MYO1D: variants seen among roughly 807,000 people sequenced by gnomAD.
MYO1D encodes myosin ID.
A neutral mutation model predicts 122.0 loss-of-function variants in MYO1D; 83 were observed. The ratio of observed to expected loss-of-function variants is 0.68; its 90% CI spans 0.57 to 0.82. The LOEUF (loss-of-function observed/expected upper bound fraction) is 0.82. Ranked by LOEUF, MYO1D falls within the 40% of genes least tolerant of loss-of-function variation. The pLI is 0.00. For missense variants in MYO1D, 1,157 were observed against 1,269.5 expected (o/e 0.91, Z 1.35); for synonymous variants, 464 against 446.9 (o/e 1.04, Z -0.48).
At chr17:32,697,005 C>A (rs2089181503) in intron 16 of MYO1D, among the ~76,000 whole-genome samples, 2 of 152,162 alleles carry the variant, frequency 1.3e-5, no homozygotes, top group South Asian at 4.1e-4. Context: ...GTGAATCTAA[C>A]AGAGTTAATT....
At chr17:32,789,793 C>A (rs2090332093) in intron 1 of MYO1D, among the ~76,000 whole-genome samples, 1 of 152,160 alleles carries the variant, frequency 6.6e-6, no homozygotes, top group Non-Finnish European at 1.5e-5. Flanking sequence ...GGATTGACGA[C>A]CACTGCCAGC....
At chr17:32,612,775 TA>T (rs1287734950) in intron 20 of MYO1D, among the ~76,000 whole-genome samples, 1 of 149,956 alleles carries the variant, frequency 6.7e-6, no homozygotes, top group African/African-American at 2.5e-5. Flanking sequence ...ATGAAATGCA[TA>T]TTTTTTTTTA....
At chr17:32,665,504 C>T (rs1299732473) in intron 16 of MYO1D, among the ~76,000 whole-genome samples, 1 of 152,230 alleles carries the variant, frequency 6.6e-6, no homozygotes, top group African/African-American at 2.4e-5. Context: ...TCGGCTGTCA[C>T]ATTTTCCATC....
At chr17:32,772,744 C>A (rs1450158611) in intron 5 of MYO1D, 45 bp downstream of exon 5, 1 of 1,467,904 alleles carries the variant, frequency 6.8e-7, no homozygotes, top group Non-Finnish European at 9.5e-7. Context: ...TCATTTCCTG[C>A]ACAACTGGGC....
intron 21 of MYO1D, among the ~76,000 whole-genome samples, chr17:32,599,085 C>T (rs2087530966): frequency 6.6e-6 from 1 of 152,150 alleles, no homozygotes; most frequent in African/African-American, 2.4e-5. Context: ...TTGACTCTTG[C>T]TTTCATGAAA....
chr17:32,631,601 T>C (rs528961586), intron 20 of MYO1D, among the ~76,000 whole-genome samples: 220 of 151,968 alleles, frequency 1.4e-3, no homozygotes, highest in African/African-American at 5.2e-3. Flanking sequence ...GAGTTATGAT[T>C]GCACAACTGC....
rs537137625 is a variant in MYO1D, at chr17:32,545,326, C to T, written c.2865-50411G>A. Among the ~76,000 whole-genome samples, 6 of 152,162 alleles carry T rather than the reference C, an allele frequency of 3.9e-5. No homozygotes were observed. The South Asian group carries it at 8.3e-4, about 21-fold the overall frequency. ...GGGTTATACAGGGTAAGTGAGAAAA[C>T]GTATGTAAAGCATGTGGCTCAGTGG... On this transcript the variant is annotated intron_variant, in intron 21 of 21. Transcript: ENST00000318217.
intron 21 of MYO1D, among the ~76,000 whole-genome samples, chr17:32,581,437 G>A (rs1453210491): frequency 6.6e-6 from 1 of 151,464 alleles, no homozygotes; most frequent in African/African-American, 2.4e-5. Context: ...CCTTTCTTCT[G>A]CTTTCTTTGG....
chr17:32,529,456 G>A (rs940107563), intron 21 of MYO1D, among the ~76,000 whole-genome samples: 35 of 152,242 alleles, frequency 2.3e-4, no homozygotes, highest in African/African-American at 8.0e-4. Flanking sequence ...GAAGAATACA[G>A]AGTAAGGGAT....
intron 16 of MYO1D, among the ~76,000 whole-genome samples, chr17:32,671,335 T>C (rs2088718126): frequency 6.6e-6 from 1 of 152,272 alleles, no homozygotes; most frequent in East Asian, 1.9e-4. Context: ...AGGGGCTGAG[T>C]GCAGTGGGCC....
At chr17:32,705,620 A>G (rs1483879309) in intron 16 of MYO1D, among the ~76,000 whole-genome samples, 2 of 152,192 alleles carry the variant, frequency 1.3e-5, no homozygotes, top group Non-Finnish European at 2.9e-5. Context: ...ATAGTGGAAG[A>G]CTATACATTT....
intron 8 of MYO1D, 132 bp downstream of exon 8, chr17:32,764,746 C>A: frequency 9.3e-6 from 9 of 967,628 alleles, no homozygotes; most frequent in Non-Finnish European, 1.4e-5. Context: ...GCTTGTATGG[C>A]CAGAAAGTAT....
intron 16 of MYO1D, among the ~76,000 whole-genome samples, chr17:32,674,688 G>A (rs1013871078): frequency 6.6e-6 from 1 of 152,172 alleles, no homozygotes; most frequent in Admixed American, 6.5e-5. Flanking sequence ...TTGGGAAACA[G>A]TCATTTTTCA....
At chr17:32,768,154 C>T (rs977946360) in intron 6 of MYO1D, among the ~76,000 whole-genome samples, 7 of 152,206 alleles carry the variant, frequency 4.6e-5, no homozygotes, top group Non-Finnish European at 8.8e-5. Context: ...CTTTGTTCCA[C>T]AATTGTCTTA....
chr17:32,574,013 C>T (rs776557745), intron 21 of MYO1D, among the ~76,000 whole-genome samples: 39 of 151,954 alleles, frequency 2.6e-4, no homozygotes, highest in Admixed American at 5.9e-4. Context: ...CCACCTCGCC[C>T]GGCTAATTTT....
intron 11 of MYO1D, among the ~76,000 whole-genome samples, chr17:32,749,308 CTG>C (rs2089873693): frequency 1.3e-5 from 2 of 152,216 alleles, no homozygotes; most frequent in Non-Finnish European, 2.9e-5. Flanking sequence ...TGATTCCCCT[CTG>C]TGCTTTCTTC....
Position 32,567,085 on chromosome 17 carries a change from CAG to C in MYO1D, c.2864+38000_2864+38001del, listed in dbSNP as rs1310201148. ...TAACAGGACAAAGCTACTGAGAAAA[CAG>C]GGGTTTCTGGCTGAAGGTAGAGGAT... On this transcript the variant is annotated intron_variant, in intron 21 of 21. Transcript: ENST00000318217. Among the ~76,000 whole-genome samples, 5 of 151,812 alleles carry C rather than the reference CAG, an allele frequency of 3.3e-5. No individual in the cohort carries two copies. The East Asian group carries it at 5.8e-4, about 18-fold the overall frequency.
Position 32,876,365 on chromosome 17 carries a change from C to T in MYO1D, c.95+413G>A, listed in dbSNP as rs747879239. Among the ~76,000 whole-genome samples, 233 of 152,332 alleles carry T rather than the reference C, an allele frequency of 1.5e-3. 5 individuals carry two copies. Among genetic ancestry groups the T allele is most frequent in the Admixed American group, 0.014 (210 of 15,304 alleles). ...CCTCTCTCCAAAATAATCCTCCAGT[C>T]CTCCTAGGGCCTTCGGGGCCACCGC... On this transcript the variant is annotated intron_variant, in intron 1 of 21. Transcript: ENST00000318217.
intron 21 of MYO1D, among the ~76,000 whole-genome samples, chr17:32,591,006 G>A (rs892590881): frequency 5.3e-5 from 8 of 152,150 alleles, no homozygotes; most frequent in Admixed American, 1.3e-4. Context: ...TGATGAACAC[G>A]TCACAAAGCA....
Sources: allele counts gnomAD v4.1 joint callset (sites outside exome capture counted in the v4.1 genomes callset), GRCh38; gene constraint gnomAD v4.1.1; transcripts MANE v1.5; gene names NCBI Gene and HGNC (gene_info 2026-07-23, HGNC 2026-07-21).